Variants in SMOC1 observed in about 807,000 individuals in gnomAD.
SMOC1 encodes SPARC-related modular calcium-binding protein 1.
Under a neutral mutation model 56.3 loss-of-function variants are expected in SMOC1, and 22 were observed. The observed-to-expected ratio is 0.39, with a 90% CI of 0.28 to 0.56. SMOC1 has a LOEUF of 0.56. Among genes scored for constraint, SMOC1 ranks in the 20% least tolerant of loss-of-function variants. SMOC1 has a pLI of 0.61. For synonymous variants in SMOC1, 193 were observed against 215.0 expected (o/e 0.90, Z 0.89); for missense variants, 509 against 565.4 (o/e 0.90, Z 1.01).
chr14:70,007,905 T>G (rs1247258364), intron 7 of SMOC1, among the ~76,000 whole-genome samples: 1 of 152,180 alleles, frequency 6.6e-6, no homozygotes, highest in African/African-American at 2.4e-5. Flanking sequence ...TAAGACAAAC[T>G]CTCTGTGTAC....
intron 1 of SMOC1, among the ~76,000 whole-genome samples, chr14:69,880,889 T>C (rs1202979524): frequency 6.6e-6 from 1 of 152,258 alleles, no homozygotes; most frequent in East Asian, 1.9e-4. Flanking sequence ...TCTTTATAGC[T>C]GTCGTGTGGA....
chr14:69,891,430 A>G (rs1883958319), intron 1 of SMOC1, among the ~76,000 whole-genome samples: 1 of 152,260 alleles, frequency 6.6e-6, no homozygotes, highest in Admixed American at 6.5e-5. Flanking sequence ...ACAGGGTTTA[A>G]GAACAAATAT....
intron 1 of SMOC1, among the ~76,000 whole-genome samples, chr14:69,926,262 T>C (rs1351866335): frequency 6.6e-6 from 1 of 152,162 alleles, no homozygotes; most frequent in Non-Finnish European, 1.5e-5. Context: ...TGTGTTCCGA[T>C]TTTGGCAAGT....
rs1480309723 is a variant in SMOC1, at chr14:70,020,984, G to T, written c.1047-2219G>T. Among the ~76,000 whole-genome samples, 5 of 152,290 alleles carry T rather than the reference G, an allele frequency of 3.3e-5. 1 individual carries two copies. Among genetic ancestry groups the T allele is most frequent in the African/African-American group, 9.6e-5 (4 of 41,562 alleles). On this transcript the variant is annotated intron_variant, in intron 10 of 11. Coordinates refer to ENST00000361956, the MANE Select transcript of SMOC1 (RefSeq NM_001034852.3). Reference sequence around the variant, plus strand: ...GAGGGAGTGCGCCTCCCCTGGCAGGGCCTCTGGGTGGGATGACCTCATCCC... The same window carrying T: ...GAGGGAGTGCGCCTCCCCTGGCAGGTCCTCTGGGTGGGATGACCTCATCCC...
At position 70,007,720 on chromosome 14, in the gene SMOC1, C is replaced by T. The variant is rs1206358082; in HGVS notation, c.665-3034C>T. 5.3e-5 allele frequency among the ~76,000 whole-genome samples: 8 copies of T among 152,252 alleles called. No homozygotes were observed. The East Asian group carries it at 1.2e-3, about 22-fold the overall frequency. On this transcript the variant is annotated intron_variant, in intron 7 of 11. Transcript: ENST00000361956. ...TGGGAAAATCCATTAATCTCTCCAA[C>T]GTTCAGCTTCCTTGTCTACAAAATG... is the stretch of plus-strand genomic sequence containing the variant.
At chr14:69,913,431 A>G (rs1446283340) in intron 1 of SMOC1, among the ~76,000 whole-genome samples, 4 of 151,906 alleles carry the variant, frequency 2.6e-5, no homozygotes, top group African/African-American at 9.7e-5. Context: ...GTTAAATTCG[A>G]ATTTCAGATA....
chr14:70,019,453 G>A (rs1368031662), intron 10 of SMOC1, among the ~76,000 whole-genome samples: 2 of 152,202 alleles, frequency 1.3e-5, no homozygotes, highest in African/African-American at 4.8e-5. Context: ...GTGGACAAGC[G>A]AGTGCTGTTA....
At chr14:69,934,337 A>T (rs946628466) in intron 1 of SMOC1, among the ~76,000 whole-genome samples, 2 of 152,176 alleles carry the variant, frequency 1.3e-5, no homozygotes, top group Non-Finnish European at 2.9e-5. Context: ...TTAGTCTGGC[A>T]TCCATCTCCA....
At chr14:69,961,673 G>C (rs1883385860) in intron 3 of SMOC1, among the ~76,000 whole-genome samples, 1 of 152,124 alleles carries the variant, frequency 6.6e-6, no homozygotes, top group African/African-American at 2.4e-5. Flanking sequence ...ACCACGCCTG[G>C]CCTGTTTCCA....
At chr14:69,899,303 G>T (rs972126534) in intron 1 of SMOC1, among the ~76,000 whole-genome samples, 1 of 152,198 alleles carries the variant, frequency 6.6e-6, no homozygotes, top group East Asian at 1.9e-4. Flanking sequence ...TGGAGGTGGG[G>T]CCTGGTGGGA....
chr14:69,901,470 C>T (rs1460938308), intron 1 of SMOC1, among the ~76,000 whole-genome samples: 1 of 152,218 alleles, frequency 6.6e-6, no homozygotes, highest in East Asian at 1.9e-4. Flanking sequence ...CACATTGTCC[C>T]TCAGCCTTCA....
chr14:69,997,613 G>A (rs1439573558), intron 7 of SMOC1, among the ~76,000 whole-genome samples: 1 of 152,024 alleles, frequency 6.6e-6, no homozygotes, highest in Non-Finnish European at 1.5e-5. Context: ...CACATAGTAG[G>A]TATACCATAA....
intron 5 of SMOC1, among the ~76,000 whole-genome samples, chr14:69,989,981 C>T (rs545702114): frequency 1.3e-5 from 2 of 152,300 alleles, no homozygotes; most frequent in Admixed American, 6.5e-5. Context: ...GGCATCTTGT[C>T]TTTTCTCACT....
chr14:69,889,930 C>G (rs1883916254), intron 1 of SMOC1, among the ~76,000 whole-genome samples: 1 of 152,182 alleles, frequency 6.6e-6, no homozygotes, highest in South Asian at 2.1e-4. Context: ...AGTTTAAGGA[C>G]TCTTGTGATT....
At chr14:70,020,968 C>T (rs1566714085) in intron 10 of SMOC1, among the ~76,000 whole-genome samples, 2 of 152,204 alleles carry the variant, frequency 1.3e-5, no homozygotes, top group South Asian at 2.1e-4. Flanking sequence ...GGAGGGAGTG[C>T]GCCTCCCCTG....
intron 5 of SMOC1, among the ~76,000 whole-genome samples, chr14:69,980,047 A>G (rs946415521): frequency 6.6e-6 from 1 of 152,004 alleles, no homozygotes; most frequent in African/African-American, 2.4e-5. Flanking sequence ...CCAGGCTCTC[A>G]CTGGTCCAGC....
intron 1 of SMOC1, among the ~76,000 whole-genome samples, chr14:69,882,095 G>A (rs1883656954): frequency 6.6e-6 from 1 of 152,162 alleles, no homozygotes; most frequent in Non-Finnish European, 1.5e-5. Flanking sequence ...TTTTTTTGGT[G>A]TCTGTATCAC....
At chr14:69,924,372 C>A (rs1376138737) in intron 1 of SMOC1, among the ~76,000 whole-genome samples, 1 of 152,202 alleles carries the variant, frequency 6.6e-6, no homozygotes, top group African/African-American at 2.4e-5. Context: ...AGAACATTTA[C>A]AATCTACTCA....
intron 3 of SMOC1, among the ~76,000 whole-genome samples, chr14:69,967,029 A>G (rs1883601730): frequency 6.6e-6 from 1 of 152,184 alleles, no homozygotes; most frequent in Admixed American, 6.5e-5. Flanking sequence ...CATTGGACAC[A>G]AGATTTCAGA....
Sources: gnomAD v4.1 joint callset for allele counts (sites outside exome capture counted in the v4.1 genomes callset) on GRCh38, gnomAD v4.1.1 for gene constraint, MANE v1.5 for transcripts, NCBI Gene and HGNC (gene_info 2026-07-23, HGNC 2026-07-21) for gene names.